WDR27: variants seen among roughly 807,000 people sequenced by gnomAD.
WDR27 encodes the protein WD repeat-containing protein 27.
WDR27 carries 100 observed loss-of-function variants against 114.4 expected under a neutral mutation model. The ratio of observed to expected loss-of-function variants is 0.87; its 90% CI spans 0.74 to 1.03. The LOEUF (loss-of-function observed/expected upper bound fraction) is 1.03, where lower values mean the gene tolerates loss of function less well. WDR27 is among the 50% of genes least tolerant of loss of function. The pLI is 0.00. For missense variants in WDR27, 1,129 were observed against 1,092.9 expected (o/e 1.03, Z -0.47); for synonymous variants, 449 against 423.1 (o/e 1.06, Z -0.75).
At chr6:169,563,339 C>T (rs768524778) in intron 25 of WDR27, among the ~76,000 whole-genome samples, 5 of 152,106 alleles carry the variant, frequency 3.3e-5, no homozygotes, top group African/African-American at 4.8e-5. Context: ...CTGAACCACG[C>T]GTGAGTCCTG....
At chr6:169,488,111 G>A (rs1380610143) in intron 25 of WDR27, among the ~76,000 whole-genome samples, 1 of 152,150 alleles carries the variant, frequency 6.6e-6, no homozygotes, top group Non-Finnish European at 1.5e-5. Flanking sequence ...TATTAACATG[G>A]CATAAAGGCA....
At chr6:169,649,983 C>T (rs1821868100) in intron 14 of WDR27, among the ~76,000 whole-genome samples, 2 of 146,754 alleles carry the variant, frequency 1.4e-5, no homozygotes, top group African/African-American at 5.1e-5. Flanking sequence ...ATGCATTCAT[C>T]TCTCATCCCT....
intron 2 of WDR27, among the ~76,000 whole-genome samples, chr6:169,678,834 AT>A (rs1361845125): frequency 1.3e-5 from 2 of 152,244 alleles, no homozygotes; most frequent in African/African-American, 4.8e-5. Context: ...AAAAATCCAC[AT>A]TCTATAGAGA....
At chr6:169,449,134 T>A in the WDR27 span, among the ~76,000 whole-genome samples, 1 of 152,170 alleles carries the variant, frequency 6.6e-6, no homozygotes, top group Non-Finnish European at 1.5e-5. Context: ...GAGCAATGGA[T>A]GTCTGGGATG....
intron 25 of WDR27, among the ~76,000 whole-genome samples, chr6:169,556,115 C>T (rs1414221164): frequency 6.6e-6 from 1 of 152,178 alleles, no homozygotes; most frequent in Non-Finnish European, 1.5e-5. Context: ...GAGTCTCTCT[C>T]GCTTGCTGGC....
intron 17 of WDR27, among the ~76,000 whole-genome samples, chr6:169,641,295 A>T (rs1205229204): frequency 6.6e-6 from 1 of 152,112 alleles, no homozygotes; most frequent in Admixed American, 6.5e-5. Context: ...TGCATCGAAG[A>T]CGAATCACCG....
rs190708263 is a variant in WDR27, at chr6:169,490,562, G to A, written c.2646-32928C>T. ...CCTGCCAAGGTCCGATATCAGTTGC[G>A]GGTGGGGGCTAAATGCTTTGCCAGT... On this transcript the variant is annotated intron_variant, in intron 25 of 25. Coordinates refer to ENST00000448612, the MANE Select transcript of WDR27 (RefSeq NM_182552.5). Among the ~76,000 whole-genome samples the A allele has an allele frequency of 1.4e-4, 22 of 152,246 alleles. No individual in the cohort carries two copies. In the East Asian group the frequency reaches 4.1e-3, roughly 28 times the overall value.
intron 25 of WDR27, among the ~76,000 whole-genome samples, chr6:169,545,724 T>A (rs575444047): frequency 6.6e-6 from 1 of 152,128 alleles, no homozygotes; most frequent in South Asian, 2.1e-4. Context: ...GTCAAGAGGA[T>A]AAAAAGGTGA....
intron 25 of WDR27, among the ~76,000 whole-genome samples, chr6:169,534,538 T>A (rs1227752185): frequency 6.6e-6 from 1 of 152,082 alleles, no homozygotes; most frequent in African/African-American, 2.4e-5. Flanking sequence ...GGAAGTTTTT[T>A]TTATTATTAT....
At chr6:169,468,606 G>A (rs1193339785) in intron 25 of WDR27, among the ~76,000 whole-genome samples, 1 of 152,232 alleles carries the variant, frequency 6.6e-6, no homozygotes, top group Admixed American at 6.5e-5. Context: ...GGGAACTACA[G>A]TTCAAGATGA....
intron 25 of WDR27, among the ~76,000 whole-genome samples, chr6:169,514,838 C>T (rs1340344245): frequency 6.7e-6 from 1 of 148,820 alleles, no homozygotes; most frequent in Non-Finnish European, 1.5e-5. Context: ...TCTTAGCAAA[C>T]AAGGAATAAA....
intron 25 of WDR27, among the ~76,000 whole-genome samples, chr6:169,538,628 T>C (rs1319402765): frequency 2.0e-5 from 3 of 151,956 alleles, no homozygotes; most frequent in Non-Finnish European, 4.4e-5. Context: ...GACCTTGCAA[T>C]TTCAGTTAAG....
At chr6:169,631,260 T>C (rs1816269897) in intron 21 of WDR27, among the ~76,000 whole-genome samples, 1 of 152,194 alleles carries the variant, frequency 6.6e-6, no homozygotes, top group Non-Finnish European at 1.5e-5. Flanking sequence ...ACATGTTTGC[T>C]CTGGTTTATA....
intron 24 of WDR27, among the ~76,000 whole-genome samples, chr6:169,581,504 G>A (rs1260074105): frequency 1.3e-5 from 2 of 152,180 alleles, no homozygotes; most frequent in South Asian, 2.1e-4. Context: ...AAGCAGGTCC[G>A]TTACAGTGTA....
At chr6:169,529,121 C>A (rs1320467167) in intron 25 of WDR27, among the ~76,000 whole-genome samples, 1 of 152,052 alleles carries the variant, frequency 6.6e-6, no homozygotes, top group Non-Finnish European at 1.5e-5. Flanking sequence ...TTATGGTGCA[C>A]CCACATAAAA....
chr6:169,611,964 G>A (rs1457989554), intron 22 of WDR27, among the ~76,000 whole-genome samples: 8 of 152,042 alleles, frequency 5.3e-5, no homozygotes, highest in African/African-American at 9.7e-5. Flanking sequence ...GTGAAAATGC[G>A]TTCTCTACTA....
intron 3 of WDR27, 142 bp downstream of exon 3, chr6:169,672,113 A>T: frequency 1.2e-6 from 1 of 802,226 alleles, no homozygotes; most frequent in Non-Finnish European, 1.9e-6. Flanking sequence ...GGTTCAAGGT[A>T]AAGAGAGTAC....
intron 24 of WDR27, among the ~76,000 whole-genome samples, chr6:169,576,827 C>T (rs1203105513): frequency 6.6e-6 from 1 of 150,992 alleles, no homozygotes; most frequent in African/African-American, 2.4e-5. Flanking sequence ...AATTATTTTT[C>T]AAGACTGGAA....
At chr6:169,553,692 C>T (rs1285742172) in intron 25 of WDR27, among the ~76,000 whole-genome samples, 2 of 152,180 alleles carry the variant, frequency 1.3e-5, no homozygotes. Flanking sequence ...TTTATGTGAA[C>T]ATTACGACCT....
Sources: allele counts gnomAD v4.1 joint callset (sites outside exome capture counted in the v4.1 genomes callset), GRCh38; gene constraint gnomAD v4.1.1; transcripts MANE v1.5; gene names NCBI Gene and HGNC (gene_info 2026-07-23, HGNC 2026-07-21).